RBFOX3: variants seen among roughly 807,000 people sequenced by gnomAD.
RBFOX3 encodes RNA binding fox-1 homolog 3.
RBFOX3 carries 17 observed loss-of-function variants against 48.7 expected under a neutral mutation model. The ratio of observed to expected loss-of-function variants is 0.35; its 90% CI spans 0.24 to 0.52. RBFOX3 has a LOEUF of 0.52. Ranked by LOEUF, RBFOX3 falls within the 20% of genes least tolerant of loss-of-function variation. The probability of loss-of-function intolerance (pLI) is 0.94; values close to 1 mark genes in which losing one functional copy is unlikely to be tolerated. For synonymous variants in RBFOX3, 212 were observed against 209.5 expected, an observed-to-expected ratio of 1.01 and a Z score of -0.10; for missense variants, 382 against 497.5, an observed-to-expected ratio of 0.77 and a Z score of 2.21.
intron 1 of RBFOX3, among the ~76,000 whole-genome samples, chr17:79,609,994 G>A (rs1021989954): frequency 6.6e-6 from 1 of 151,930 alleles, no homozygotes; most frequent in Non-Finnish European, 1.5e-5. Flanking sequence ...CGCTGCTCGA[G>A]GCCCTGGGGG....
At chr17:79,616,793 C>T in the RBFOX3 span, among the ~76,000 whole-genome samples, 13 of 152,322 alleles carry the variant, frequency 8.5e-5, no homozygotes, top group Middle Eastern at 3.4e-3. Flanking sequence ...TACTGTTTCA[C>T]GAAACACGCG....
intron 2 of RBFOX3, among the ~76,000 whole-genome samples, chr17:79,315,195 T>C (rs1196603512): frequency 1.3e-5 from 2 of 152,146 alleles, no homozygotes; most frequent in Non-Finnish European, 2.9e-5. Flanking sequence ...ACGTACACGA[T>C]GGAGTGATTC....
intron 2 of RBFOX3, among the ~76,000 whole-genome samples, chr17:79,451,523 CAG>C (rs1555741679): frequency 6.6e-6 from 1 of 152,240 alleles, no homozygotes; most frequent in East Asian, 1.9e-4. Flanking sequence ...CAGCCTGAAT[CAG>C]GGGGTGAGGC....
In RBFOX3 at chr17:79,390,931, C is replaced by T. The variant is rs2061316674; in HGVS notation, c.-174-83107G>A. ...GGGTGCCGGCAGGGAGTTCCTGGACCCACCCAAAGCCAGCTCTGCTTCTCC... is the reference window on the plus strand; with the variant it reads ...GGGTGCCGGCAGGGAGTTCCTGGACTCACCCAAAGCCAGCTCTGCTTCTCC... On this transcript the variant is annotated intron_variant, in intron 2 of 14. Transcript: ENST00000693108. This position sits in a 1 kb window ranked among gnomAD's most constrained non-coding sequence, Gnocchi z 4.2. 6.6e-6 allele frequency among the ~76,000 whole-genome samples: 1 copy of T among 152,166 alleles called. No homozygotes were observed. The highest frequency in any genetic ancestry group is 1.5e-5 in the Non-Finnish European group (1 of 68,034).
chr17:79,589,093 A>G (rs1054568236), intron 1 of RBFOX3, among the ~76,000 whole-genome samples: 10 of 152,238 alleles, frequency 6.6e-5, no homozygotes, highest in Non-Finnish European at 1.2e-4. Context: ...CTTTCAGGGC[A>G]TAGCAGTGCT....
At chr17:79,165,924 G>A (rs906229889) in intron 4 of RBFOX3, among the ~76,000 whole-genome samples, 4 of 152,240 alleles carry the variant, frequency 2.6e-5, no homozygotes, top group African/African-American at 7.2e-5. Context: ...GACACGCGGC[G>A]GGGTTGCTGA....
intron 1 of RBFOX3, among the ~76,000 whole-genome samples, chr17:79,567,176 CTTTCTTTTTTTTTT>C (rs2092489200): frequency 8.3e-6 from 1 of 121,130 alleles, no homozygotes; most frequent in Non-Finnish European, 1.8e-5. Context: ...TTCTTTCTTT[CTTTCTTTTTTTTTT>C]TTTTTTTTTT....
At chr17:79,495,219 C>A (rs2081262998) in intron 1 of RBFOX3, among the ~76,000 whole-genome samples, 1 of 147,276 alleles carries the variant, frequency 6.8e-6, no homozygotes, top group South Asian at 2.2e-4. Flanking sequence ...AGTTGCTTTT[C>A]TCCAGCTTGG....
At chr17:79,208,728 C>T (rs1235675268) in intron 4 of RBFOX3, among the ~76,000 whole-genome samples, 1 of 152,142 alleles carries the variant, frequency 6.6e-6, no homozygotes, top group African/African-American at 2.4e-5. Context: ...TGACCGTGTC[C>T]CCACGCTTGC....
chr17:79,505,626 C>T (rs201783903), intron 1 of RBFOX3, among the ~76,000 whole-genome samples: 35,600 of 152,042 alleles, frequency 0.23, 4,498 homozygotes, highest in Non-Finnish European at 0.29. Context: ...AAGGAGGTAC[C>T]ACCACCAGCT....
intron 3 of RBFOX3, among the ~76,000 whole-genome samples, chr17:79,280,841 T>TGGGGGGGGG (rs34734841): frequency 3.9e-5 from 4 of 101,640 alleles, no homozygotes; most frequent in Admixed American, 1.0e-4. Flanking sequence ...TGTCCCATTG[T>TGGGGGGGGG]GGGGGGGGGG....
intron 8 of RBFOX3, among the ~76,000 whole-genome samples, chr17:79,102,749 A>T (rs150755563): frequency 0.026 from 3,915 of 152,210 alleles, 91 homozygotes; most frequent in Non-Finnish European, 0.035. Flanking sequence ...CAGGGCCCAG[A>T]CTGGGCCATG....
chr17:79,090,559 A>G lies in RBFOX3; in HGVS notation c.*324T>C. ...GACTGGATGGAAAACAGAGCCCCCC[A>G]CGGGTCCCACAAGGGAGGCCCCTTC... On this transcript the variant is annotated 3_prime_UTR_variant, in exon 15 of 15. Transcript: ENST00000693108. 1 of 366,122 alleles carries G rather than the reference A, an allele frequency of 2.7e-6. No individual in the cohort carries two copies. The highest frequency in any genetic ancestry group is 4.9e-6 in the Non-Finnish European group (1 of 202,836). 22.7% of individuals were successfully genotyped at this position (366,122 alleles called of 1,614,324 possible). A position where few individuals can be genotyped will look rare whatever the true frequency, so the allele number is the denominator to read the frequency against.
At position 79,602,822 on chromosome 17, in the gene RBFOX3, A is replaced by G. The variant is rs1222787549; in HGVS notation, c.-320+8004T>C. On this transcript the variant is annotated intron_variant, in intron 1 of 14. Transcript: ENST00000693108. ...TGGCAGCAAACTATAGGCTCAGAGG[A>G]GCCCGGGAAGGGCTGGGGGAGGGAG... Among the ~76,000 whole-genome samples the G allele has an allele frequency of 2.0e-5, 3 of 152,176 alleles. No homozygotes were observed. In the East Asian group the frequency reaches 5.8e-4, roughly 29 times the overall value.
Position 79,198,691 on chromosome 17 carries a change from T to C in RBFOX3, c.-34+37075A>G, listed in dbSNP as rs189024887. On this transcript the variant is annotated intron_variant, in intron 4 of 14. Coordinates refer to ENST00000693108, the MANE Select transcript of RBFOX3 (RefSeq NM_001350451.2). The surrounding 1 kb of genome is among the most constrained non-coding windows in gnomAD (Gnocchi z 8.2). Reference sequence around the variant, plus strand: ...CTCAAGCTGGAGTGCAGTGGCATGATCTAGGCTCGTTGCAACCTCCACCTT... The same window carrying C: ...CTCAAGCTGGAGTGCAGTGGCATGACCTAGGCTCGTTGCAACCTCCACCTT... Among the ~76,000 whole-genome samples, 1 of 152,062 alleles carries C rather than the reference T, an allele frequency of 6.6e-6. No individual in the cohort carries two copies. The highest frequency in any genetic ancestry group is 1.9e-4 in the East Asian group (1 of 5,154).
intron 2 of RBFOX3, among the ~76,000 whole-genome samples, chr17:79,399,825 G>A (rs981570467): frequency 2.0e-5 from 3 of 152,194 alleles, no homozygotes; most frequent in Non-Finnish European, 4.4e-5. Context: ...AAGCGTGAAC[G>A]CGCCGCTGGA....
intron 3 of RBFOX3, among the ~76,000 whole-genome samples, chr17:79,250,566 C>T (rs145171834): frequency 1.3e-5 from 2 of 152,160 alleles, no homozygotes; most frequent in South Asian, 2.1e-4. Flanking sequence ...ACTGCTTGGC[C>T]GATACTCAAT....
the RBFOX3 span, among the ~76,000 whole-genome samples, chr17:79,620,303 AC>A: frequency 1.3e-5 from 2 of 151,436 alleles, no homozygotes; most frequent in East Asian, 3.9e-4. Context: ...GCACACACGC[AC>A]ATGCACAAAT....
intron 2 of RBFOX3, among the ~76,000 whole-genome samples, chr17:79,406,750 A>G (rs776642379): frequency 2.0e-5 from 3 of 152,126 alleles, no homozygotes; most frequent in Non-Finnish European, 4.4e-5. Context: ...TGGGGCTACT[A>G]CATGTGTTTG....
Sources: allele counts gnomAD v4.1 joint callset (sites outside exome capture counted in the v4.1 genomes callset), GRCh38; gene constraint gnomAD v4.1.1; non-coding constraint Gnocchi (gnomAD v3.1); transcripts MANE v1.5; gene names NCBI Gene and HGNC (gene_info 2026-07-23, HGNC 2026-07-21).